Variants in TRIT1 observed in about 807,000 individuals in gnomAD.
TRIT1 encodes the protein tRNA isopentenyltransferase 1.
TRIT1 carries 43 observed loss-of-function variants against 51.2 expected under a neutral mutation model. That is an observed-to-expected ratio of 0.84 (90% confidence interval 0.66 to 1.08). The LOEUF (loss-of-function observed/expected upper bound fraction) is 1.08, where lower values mean the gene tolerates loss of function less well. TRIT1 is among the 50% of genes least tolerant of loss of function. The pLI, the probability that TRIT1 is intolerant of heterozygous loss-of-function variation, is 0.00. For missense variants in TRIT1, 528 were observed against 578.4 expected (o/e 0.91, Z 0.89); for synonymous variants, 184 against 203.9 (o/e 0.90, Z 0.83).
chr1:39,870,935 T>G (rs1172001477), intron 1 of TRIT1, among the ~76,000 whole-genome samples: 2 of 152,280 alleles, frequency 1.3e-5, no homozygotes, highest in East Asian at 1.9e-4. Flanking sequence ...AGCTCACGCC[T>G]GTAATCCCAG....
intron 1 of TRIT1, among the ~76,000 whole-genome samples, chr1:39,859,775 A>G (rs369742927): frequency 3.9e-5 from 6 of 152,320 alleles, no homozygotes; most frequent in African/African-American, 1.2e-4. Context: ...GAGGATTTCT[A>G]AATCCTGTTA....
At chr1:39,847,874 A>C in intron 6 of TRIT1, 112 bp downstream of exon 6, 1 of 1,341,572 alleles carries the variant, frequency 7.5e-7, no homozygotes, top group African/African-American at 1.5e-5. Context: ...AAAAAACTGC[A>C]TCTGCAAAGA....
intron 7 of TRIT1, 80 bp from the exon 8 acceptor site, chr1:39,847,377 G>T: frequency 6.6e-7 from 1 of 1,513,356 alleles, no homozygotes; most frequent in Non-Finnish European, 9.1e-7. Flanking sequence ...CAGCCCAGCA[G>T]GAAAAAGTCA....
chr1:39,870,597 T>C (rs538177662), intron 1 of TRIT1, among the ~76,000 whole-genome samples: 2 of 125,192 alleles, frequency 1.6e-5, no homozygotes, highest in South Asian at 5.1e-4. Flanking sequence ...TACCAGTACA[T>C]AGAACTGCGG....
chr1:39,863,809 T>C (rs1156327643), intron 1 of TRIT1, among the ~76,000 whole-genome samples: 6 of 138,450 alleles, frequency 4.3e-5, no homozygotes, highest in Admixed American at 2.8e-4. Flanking sequence ...ACAAAAGATA[T>C]GGAAAAAACA....
chr1:39,847,248 G>A lies in TRIT1; in HGVS notation c.978C>T (p.Asn326=). The change falls in exon 8 of 11, where the codon AAC becomes AAT. Residue 326 remains asparagine (N), a synonymous_variant. Transcript: ENST00000316891. ...TCAAAAAACGGTTTTTAACCCATCGGTTTTGTTTCCGGGCATATCTCTTAG... is the reference window on the plus strand; with the variant it reads ...TCAAAAAACGGTTTTTAACCCATCGATTTTGTTTCCGGGCATATCTCTTAG... ...QVTKRYARKQ[N]RWVKNRFLSR... is the part of the protein sequence containing the mutation. 1 of 1,614,060 alleles carries A rather than the reference G, an allele frequency of 6.2e-7. No homozygotes were observed. The highest frequency in any genetic ancestry group is 8.5e-7 in the Non-Finnish European group (1 of 1,180,020).
chr1:39,841,547 A>G lies in TRIT1; in HGVS notation c.*197T>C, dbSNP rs1641903638. The G allele has an allele frequency of 4.0e-6, 2 of 495,054 alleles. No individual in the cohort carries two copies. The highest frequency in any genetic ancestry group is 6.2e-5 in the East Asian group (2 of 32,042). 30.7% of individuals were successfully genotyped at this position (495,054 alleles called of 1,614,324 possible). On this transcript the variant is annotated 3_prime_UTR_variant, in exon 11 of 11. Transcript: ENST00000316891. ...TCATTTCCAGACACATCAGCCACAC[A>G]AGGAGCTGACAAGACCTGCTGTTTC...
At chr1:39,848,738 G>A (rs1478396305) in intron 5 of TRIT1, among the ~76,000 whole-genome samples, 1 of 151,430 alleles carries the variant, frequency 6.6e-6, no homozygotes, top group Non-Finnish European at 1.5e-5. Flanking sequence ...CAGGAGAATC[G>A]CTTGAACCCG....
At chr1:39,869,214 T>G (rs1643730702) in intron 1 of TRIT1, among the ~76,000 whole-genome samples, 1 of 152,058 alleles carries the variant, frequency 6.6e-6, no homozygotes, top group African/African-American at 2.4e-5. Context: ...CTGATTCTCC[T>G]GCTTCAGCCT....
chr1:39,850,206 G>A lies in TRIT1; in HGVS notation c.616C>T (p.Gln206Ter). The A allele has an allele frequency of 6.2e-7, 1 of 1,614,126 alleles. No homozygotes were observed. Among genetic ancestry groups the A allele is most frequent in the Non-Finnish European group, 8.5e-7 (1 of 1,180,030 alleles). The stretch of plus-strand genomic sequence containing the variant: ...GGACCACCACCTTCTTCCGTATGTT[G>A]ACGATGGAGAAATTCACTATGAGAG... ...GISHSEFLHR[Q>*]HTEEGGGPLG... Residue 206 changes from glutamine to a stop codon, truncating the protein, a stop_gained, in exon 5 of 11, where the codon CAA becomes TAA. Transcript: ENST00000316891. LOFTEE classifies it high-confidence loss of function.
intron 1 of TRIT1, among the ~76,000 whole-genome samples, chr1:39,863,382 C>T (rs905537002): frequency 2.0e-5 from 3 of 152,126 alleles, no homozygotes; most frequent in Non-Finnish European, 2.9e-5. Flanking sequence ...ACTGCTTAGG[C>T]CCAGGAGTCC....
rs1641904490 is a variant in TRIT1 at position 39,841,582 on chromosome 1, G to A, written c.*162C>T. 3.1e-6 allele frequency: 2 copies of A among 645,982 alleles called. No individual in the cohort carries two copies. The highest frequency in any genetic ancestry group is 5.0e-6 in the Non-Finnish European group (2 of 396,612). 40.0% of individuals were successfully genotyped at this position (645,982 alleles called of 1,614,324 possible). A position where few individuals can be genotyped will look rare whatever the true frequency, so the allele number is the denominator to read the frequency against. ...CAAGACCTGCTGTTTCTATTATAGA[G>A]AACGTGAGACTTTAAAACCACATCA... On this transcript the variant is annotated 3_prime_UTR_variant, in exon 11 of 11. Transcript: ENST00000316891.
intron 10 of TRIT1, among the ~76,000 whole-genome samples, chr1:39,842,407 G>A (rs144588180): frequency 6.6e-6 from 1 of 152,308 alleles, no homozygotes; most frequent in Non-Finnish European, 1.5e-5. Context: ...CATCTGTATT[G>A]CAGGGCATTG....
intron 4 of TRIT1, 175 bp downstream of exon 4, chr1:39,852,556 T>C (rs1248190311): frequency 2.9e-6 from 2 of 692,128 alleles, no homozygotes; most frequent in Non-Finnish European, 4.9e-6. Flanking sequence ...AATTATTTAT[T>C]GAGGGAGTTG....
intron 2 of TRIT1, among the ~76,000 whole-genome samples, chr1:39,855,532 C>A (rs948601010): frequency 6.6e-6 from 1 of 152,178 alleles, no homozygotes; most frequent in Non-Finnish European, 1.5e-5. Flanking sequence ...TTGAGCATCC[C>A]AAACCTGAAA....
rs975835762 is a variant in TRIT1 at position 39,883,349 on chromosome 1, C to T, written c.143G>A (p.Gly48Asp). The part of the protein sequence containing the change: ...TLALQLGQRL[G>D]GEIVSADSMQ... ...GGAGTCAGCGCTGACGATCTCACCGCCGAGCCGCTGGCCTAGCTGCAACGC... is the reference window on the plus strand; with the variant it reads ...GGAGTCAGCGCTGACGATCTCACCGTCGAGCCGCTGGCCTAGCTGCAACGC... The change falls in exon 1 of 11, where the codon GGC (glycine) becomes GAC (aspartate). Residue 48 changes from glycine (G) to aspartate (D), a missense_variant. By Grantham distance (94) the Gly-to-Asp change is moderately conservative (BLOSUM62 -1). This residue lies in a region of TRIT1 where 468 missense variants were observed against 522.6 expected (regional missense o/e 0.90). Coordinates refer to ENST00000316891, the MANE Select transcript of TRIT1 (RefSeq NM_017646.6). 1.1e-5 allele frequency: 18 copies of T among 1,611,142 alleles called. No individual in the cohort carries two copies. The African/African-American group carries it at 1.9e-4, about 17-fold the overall frequency.
intron 1 of TRIT1, among the ~76,000 whole-genome samples, chr1:39,870,380 C>T (rs1045745638): frequency 2.2e-4 from 34 of 151,772 alleles, no homozygotes; most frequent in Non-Finnish European, 3.2e-4. Context: ...TGCGGAAGGC[C>T]GCAGGGTCCT....
At chr1:39,843,855 A>G (rs1034758271) in intron 10 of TRIT1, among the ~76,000 whole-genome samples, 1 of 152,206 alleles carries the variant, frequency 6.6e-6, no homozygotes, top group South Asian at 2.1e-4. Flanking sequence ...TTAACTGCAG[A>G]TCTCTTAGTA....
chr1:39,862,469 G>C lies in TRIT1; in HGVS notation c.175-5052C>G, dbSNP rs141168673. On this transcript the variant is annotated intron_variant, in intron 1 of 10. Coordinates refer to ENST00000316891, the MANE Select transcript of TRIT1 (RefSeq NM_017646.6). ...TCTTGAATTGAAATTCAGTTGAGTT[G>C]TGGTTACACAGATATTTTAACTTTT... is the stretch of plus-strand genomic sequence containing the variant. Among the ~76,000 whole-genome samples the C allele has an allele frequency of 4.2e-3, 639 of 152,268 alleles. 6 individuals are homozygous for C. The highest frequency in any genetic ancestry group is 0.015 in the African/African-American group (607 of 41,546).
Sources: gnomAD v4.1 joint callset for allele counts (sites outside exome capture counted in the v4.1 genomes callset) on GRCh38, gnomAD v4.1.1 for gene constraint, gnomAD v4.1.1 regional missense constraint, MANE v1.5 for transcripts, NCBI Gene and HGNC (gene_info 2026-07-23, HGNC 2026-07-21) for gene names.